The following KCNMB4 variants were observed in gnomAD, a reference collection of about 807,000 sequenced individuals.
KCNMB4 encodes calcium-activated potassium channel subunit beta-4.
In KCNMB4, 3 loss-of-function variants were observed where a neutral mutation model predicts 20.7. The observed-to-expected ratio is 0.14, with a 90% CI of 0.07 to 0.37. The LOEUF (loss-of-function observed/expected upper bound fraction) is 0.37. Among genes scored for constraint, KCNMB4 ranks in the 10% least tolerant of loss-of-function variants. The probability of loss-of-function intolerance (pLI) is 1.00; values close to 1 mark genes in which losing one functional copy is unlikely to be tolerated. For synonymous variants in KCNMB4, 110 were observed against 113.4 expected, an observed-to-expected ratio of 0.97 and a Z score of 0.19; for missense variants, 168 against 265.9, an observed-to-expected ratio of 0.63 and a Z score of 2.56.
rs113522784 is a variant in KCNMB4 at position 70,392,544 on chromosome 12, C to T, written c.337-7665C>T. On this transcript the variant is annotated intron_variant, in intron 1 of 2. Coordinates refer to ENST00000258111, the MANE Select transcript of KCNMB4 (RefSeq NM_014505.6). The stretch of plus-strand genomic sequence containing the variant: ...GACACATGCACACGTTTGTTTATTG[C>T]AGCACTGTTCACAATAGCAAAAACT... 4.7e-3 allele frequency among the ~76,000 whole-genome samples: 722 copies of T among 152,256 alleles called. 3 individuals carry two copies. Among genetic ancestry groups the T allele is most frequent in the African/African-American group, 0.017 (699 of 41,550 alleles).
intron 1 of KCNMB4, among the ~76,000 whole-genome samples, chr12:70,370,940 T>C (rs934468645): frequency 2.6e-5 from 4 of 152,184 alleles, no homozygotes; most frequent in African/African-American, 9.7e-5. Flanking sequence ...CACTGCAACT[T>C]CCGCCTCCTG....
rs555302796 is a variant in KCNMB4 at position 70,403,177 on chromosome 12, C to T, written c.464+2841C>T. 1.3e-4 allele frequency among the ~76,000 whole-genome samples: 14 copies of T among 109,098 alleles called. No individual in the cohort carries two copies. The East Asian group carries it at 3.2e-3, about 25-fold the overall frequency. The allele number at this position is 109,098 out of a possible 152,430, so 71.6% of individuals were successfully genotyped here. ...GTTGTCTCCCATATTCCATAGTCAT[C>T]GTCTTTTATTTTATTTTATTTTATT... is the stretch of plus-strand genomic sequence containing the variant. On this transcript the variant is annotated intron_variant, in intron 2 of 2. Transcript: ENST00000258111.
rs369015461 is a variant in KCNMB4 at position 70,400,385 on chromosome 12, A to T, written c.464+49A>T. On this transcript the variant is annotated intron_variant, in intron 2 of 2. Coordinates refer to ENST00000258111, the MANE Select transcript of KCNMB4 (RefSeq NM_014505.6). ...TGTTAAAATTGTTTGTAGACTCTGC[A>T]GCTTATTACACTGTTATATCGTAGA... is the stretch of plus-strand genomic sequence containing the variant. 99 of 1,564,220 alleles carry T rather than the reference A, an allele frequency of 6.3e-5. No individual in the cohort carries two copies. The African/African-American group carries it at 1.1e-3, about 18-fold the overall frequency.
Position 70,430,731 on chromosome 12 carries a change from C to T in KCNMB4, c.*78C>T, listed in dbSNP as rs1255461887. On this transcript the variant is annotated 3_prime_UTR_variant, in exon 3 of 3. Coordinates refer to ENST00000258111, the MANE Select transcript of KCNMB4 (RefSeq NM_014505.6). ...GCGTCCACCTGCGGAACCTGTGTTT[C>T]CTGGCGCAGGAGATGGACAGGGCCA... 1 of 1,405,370 alleles carries T rather than the reference C, an allele frequency of 7.1e-7. No individual in the cohort carries two copies. Among genetic ancestry groups the T allele is most frequent in the Non-Finnish European group, 9.4e-7 (1 of 1,068,048 alleles). 87.1% of individuals were successfully genotyped at this position (1,405,370 alleles called of 1,614,324 possible).
chr12:70,388,383 G>GT (rs1179268144), intron 1 of KCNMB4, among the ~76,000 whole-genome samples: 1 of 151,884 alleles, frequency 6.6e-6, no homozygotes, highest in Non-Finnish European at 1.5e-5. Flanking sequence ...TAAATTTTTA[G>GT]TTTTTTGAGT....
At position 70,428,447 on chromosome 12, in the gene KCNMB4, G is replaced by A. The variant is rs530890203; in HGVS notation, c.465-2038G>A. ...AGTCCTTCACAGAAAGAAGGAAAGA[G>A]CAACCTGAGAGACAGCTTTTACCTT... On this transcript the variant is annotated intron_variant, in intron 2 of 2. Transcript: ENST00000258111. Among the ~76,000 whole-genome samples the A allele has an allele frequency of 3.1e-4, 47 of 152,316 alleles. 3 individuals carry two copies. In the South Asian group the frequency reaches 6.6e-3, roughly 21 times the overall value.
chr12:70,388,737 T>C (rs1397432225), intron 1 of KCNMB4, among the ~76,000 whole-genome samples: 1 of 152,202 alleles, frequency 6.6e-6, no homozygotes, highest in Non-Finnish European at 1.5e-5. Context: ...ATGAGAATTA[T>C]AATAGAGCCT....
intron 2 of KCNMB4, among the ~76,000 whole-genome samples, chr12:70,410,361 T>G (rs1019187242): frequency 5.5e-4 from 84 of 152,356 alleles, no homozygotes; most frequent in African/African-American, 1.9e-3. Flanking sequence ...ATTCATTACT[T>G]CCTCTTCTGC....
At chr12:70,412,292 A>C (rs902668970) in intron 2 of KCNMB4, among the ~76,000 whole-genome samples, 6 of 152,186 alleles carry the variant, frequency 3.9e-5, no homozygotes, top group Non-Finnish European at 8.8e-5. Flanking sequence ...GGCATCATGC[A>C]GCTTTGAGGT....
chr12:70,398,749 G>T (rs1362676194), intron 1 of KCNMB4, among the ~76,000 whole-genome samples: 1 of 152,190 alleles, frequency 6.6e-6, no homozygotes, highest in Non-Finnish European at 1.5e-5. Context: ...AGCAGACATA[G>T]TCATAAGTGT....
intron 1 of KCNMB4, among the ~76,000 whole-genome samples, chr12:70,370,500 G>T (rs960298225): frequency 6.6e-6 from 1 of 151,530 alleles, no homozygotes; most frequent in African/African-American, 2.4e-5. Context: ...GTGAGATGAG[G>T]TTTCACCATG....
At chr12:70,389,333 T>C (rs2136124022) in intron 1 of KCNMB4, among the ~76,000 whole-genome samples, 1 of 152,338 alleles carries the variant, frequency 6.6e-6, no homozygotes, top group African/African-American at 2.4e-5. Flanking sequence ...AACCCATTTG[T>C]ATACTGTTTG....
intron 2 of KCNMB4, among the ~76,000 whole-genome samples, chr12:70,416,220 G>T (rs1159706600): frequency 6.6e-6 from 1 of 152,118 alleles, no homozygotes; most frequent in Non-Finnish European, 1.5e-5. Context: ...GTCTTGGGTC[G>T]TGTGCAGCTC....
chr12:70,375,477 A>G (rs1471905019), intron 1 of KCNMB4, among the ~76,000 whole-genome samples: 1 of 97,680 alleles, frequency 1.0e-5, no homozygotes, highest in Admixed American at 1.1e-4. Flanking sequence ...CTCTACAAAA[A>G]TTAAAAAAAA....
intron 2 of KCNMB4, among the ~76,000 whole-genome samples, chr12:70,407,544 T>C (rs1212123696): frequency 7.3e-6 from 1 of 136,432 alleles, no homozygotes; most frequent in African/African-American, 2.8e-5. Flanking sequence ...CTCTGCTCAC[T>C]GCAAGCTCCG....
intron 2 of KCNMB4, among the ~76,000 whole-genome samples, chr12:70,423,936 G>A (rs1051877402): frequency 1.1e-4 from 17 of 152,184 alleles, no homozygotes; most frequent in African/African-American, 4.1e-4. Flanking sequence ...ACTGACAAAA[G>A]GTAAATTAAC....
At chr12:70,388,918 T>C (rs980528568) in intron 1 of KCNMB4, among the ~76,000 whole-genome samples, 1 of 152,058 alleles carries the variant, frequency 6.6e-6, no homozygotes, top group East Asian at 1.9e-4. Context: ...ACTCCACTGC[T>C]CCAAACCCTT....
intron 2 of KCNMB4, among the ~76,000 whole-genome samples, chr12:70,407,615 C>T (rs1239416246): frequency 2.0e-5 from 3 of 150,688 alleles, no homozygotes; most frequent in Non-Finnish European, 3.0e-5. Flanking sequence ...CTACAGGCGC[C>T]CGCCACCACA....
In KCNMB4 at chr12:70,432,055, G is replaced by A. The variant is rs953322774; in HGVS notation, c.*1402G>A. On this transcript the variant is annotated 3_prime_UTR_variant, in exon 3 of 3. Transcript: ENST00000258111. ...CTTTTTTTTTTTTTTTTTTGAGATG[G>A]TGTCTCACTCTGTTGCCAGGCTGGA... 3 of 143,930 alleles carry A rather than the reference G, an allele frequency of 2.1e-5. No individual in the cohort carries two copies. In the Admixed American group the frequency reaches 2.1e-4, roughly 10 times the overall value. 8.9% of individuals were successfully genotyped at this position (143,930 alleles called of 1,614,324 possible). A position where few individuals can be genotyped will look rare whatever the true frequency, so the allele number is the denominator to read the frequency against.
Sources: gnomAD v4.1 joint callset for allele counts (sites outside exome capture counted in the v4.1 genomes callset) on GRCh38, gnomAD v4.1.1 for gene constraint, MANE v1.5 for transcripts, NCBI Gene and HGNC (gene_info 2026-07-23, HGNC 2026-07-21) for gene names.